The following LYAR variants were observed in gnomAD, a reference collection of about 807,000 sequenced individuals.
LYAR encodes the protein Ly1 antibody reactive, also known as cell growth-regulating nucleolar protein.
A neutral mutation model predicts 45.2 loss-of-function variants in LYAR; 37 were observed. The observed-to-expected ratio is 0.82, with a 90% CI of 0.63 to 1.08. The LOEUF (loss-of-function observed/expected upper bound fraction) is 1.08, where lower values mean the gene tolerates loss of function less well. Among genes scored for constraint, LYAR ranks in the 50% least tolerant of loss-of-function variants. LYAR has a pLI of 0.00. For synonymous variants in LYAR, 176 were observed against 155.1 expected (o/e 1.14, Z -1.00); for missense variants, 493 against 451.0 (o/e 1.09, Z -0.84).
At position 4,279,537 on chromosome 4, in the gene LYAR, G is replaced by A. The variant is rs1560095377; in HGVS notation, c.346-7C>T. 2.5e-6 allele frequency: 4 copies of A among 1,600,350 alleles called. No homozygotes were observed. The highest frequency in any genetic ancestry group is 3.4e-6 in the Non-Finnish European group (4 of 1,168,046). ...AACTGTTCTTCATCCAATTCTGTAA[G>A]AAAGAAAAAGAAAAAGAACTATTGA... On this transcript the variant is annotated splice_region_variant and splice_polypyrimidine_tract_variant and intron_variant, in intron 5 of 9. Transcript: ENST00000343470.
chr4:4,278,660 A>AT (rs1480569148), intron 6 of LYAR, among the ~76,000 whole-genome samples: 1 of 152,150 alleles, frequency 6.6e-6, no homozygotes, highest in Non-Finnish European at 1.5e-5. Flanking sequence ...GATACTTTAG[A>AT]TTTTTTTGTT....
At position 4,281,796 on chromosome 4, in the gene LYAR, T is replaced by G; in HGVS notation, c.224A>C (p.Gln75Pro). 2 of 1,613,880 alleles carry G rather than the reference T, an allele frequency of 1.2e-6. No individual in the cohort carries two copies. Among genetic ancestry groups the G allele is most frequent in the Non-Finnish European group, 1.7e-6 (2 of 1,179,724 alleles). ...GAGAGACGTTACCTGAATCCACGCC[T>G]GCTGTTTGATGTCGCCTTTGTGGGT... ...GKTHKGDIKQ[Q>P]AWIQKISELI... Residue 75 changes from glutamine to proline, a missense_variant, in exon 4 of 10, where the codon CAG (glutamine) becomes CCG (proline). Gln to Pro is a moderately conservative substitution (Grantham distance 76, BLOSUM62 -1). Coordinates refer to ENST00000343470, the MANE Select transcript of LYAR (RefSeq NM_017816.3).
intron 7 of LYAR, among the ~76,000 whole-genome samples, 190 bp from the exon 8 acceptor site, chr4:4,273,859 A>C (rs1195173667): frequency 6.6e-6 from 1 of 152,196 alleles, no homozygotes; most frequent in African/African-American, 2.4e-5. Context: ...GGATGAAAGG[A>C]GTTGAGAAGT....
chr4:4,272,277 C>T (rs192139484), intron 8 of LYAR, among the ~76,000 whole-genome samples: 84 of 152,292 alleles, frequency 5.5e-4, no homozygotes, highest in African/African-American at 2.0e-3. Flanking sequence ...TTATTTCTTA[C>T]AACTGCATGT....
chr4:4,273,923 C>T (rs751627156), intron 7 of LYAR, among the ~76,000 whole-genome samples: 13 of 152,142 alleles, frequency 8.5e-5, no homozygotes, highest in African/African-American at 1.2e-4. Flanking sequence ...AGCTTATGCT[C>T]GTTCCCTTAC....
intron 1 of LYAR, among the ~76,000 whole-genome samples, chr4:4,289,149 C>A (rs747764709): frequency 3.3e-5 from 5 of 152,224 alleles, no homozygotes; most frequent in Admixed American, 6.5e-5. Context: ...GAGAGAATCT[C>A]TCCCTTGTTC....
chr4:4,269,638 G>T (rs1030788320), intron 8 of LYAR, among the ~76,000 whole-genome samples: 1 of 152,168 alleles, frequency 6.6e-6, no homozygotes, highest in African/African-American at 2.4e-5. Context: ...CCACCTGACA[G>T]CAACAAGGCC....
chr4:4,280,812 G>A (rs1719364985), intron 4 of LYAR, among the ~76,000 whole-genome samples: 1 of 152,190 alleles, frequency 6.6e-6, no homozygotes, highest in Non-Finnish European at 1.5e-5. Flanking sequence ...GTTAATGTCT[G>A]AAAAATTCAC....
intron 4 of LYAR, among the ~76,000 whole-genome samples, chr4:4,280,358 T>G (rs1719346069): frequency 6.6e-6 from 1 of 152,198 alleles, no homozygotes; most frequent in South Asian, 2.1e-4. Flanking sequence ...ATCTACAGAT[T>G]CAATACAATT....
chr4:4,270,683 A>T lies in LYAR; in HGVS notation c.920-2068T>A, dbSNP rs560111112. 2.3e-4 allele frequency among the ~76,000 whole-genome samples: 35 copies of T among 152,352 alleles called. No homozygotes were observed. The South Asian group carries it at 2.9e-3, about 13-fold the overall frequency. ...AAATATGCACAGAAGAAGGTGCTCAACAACATTAGTCATTAGGGCCACACA... is the reference window on the plus strand; with the variant it reads ...AAATATGCACAGAAGAAGGTGCTCATCAACATTAGTCATTAGGGCCACACA... On this transcript the variant is annotated intron_variant, in intron 8 of 9. Coordinates refer to ENST00000343470, the MANE Select transcript of LYAR (RefSeq NM_017816.3).
At position 4,281,076 on chromosome 4, in the gene LYAR, T is replaced by C. The variant is rs150577464; in HGVS notation, c.237+707A>G. Among the ~76,000 whole-genome samples, 1,048 of 152,332 alleles carry C rather than the reference T, an allele frequency of 6.9e-3. 10 individuals are homozygous for C. The highest frequency in any genetic ancestry group is 0.024 in the African/African-American group (997 of 41,568). ...TTAGTTAAGTAGAAAATTCTCTGCA[T>C]TGACGAAAGTATCTTTATTTTGCCT... On this transcript the variant is annotated intron_variant, in intron 4 of 9. Transcript: ENST00000343470.
At chr4:4,283,906 G>C in intron 2 of LYAR, 111 bp from the exon 3 acceptor site, 1 of 550,794 alleles carries the variant, frequency 1.8e-6, no homozygotes, top group Admixed American at 3.3e-5. Flanking sequence ...CAGAGTCAAA[G>C]TTGATTAGCA....
At chr4:4,271,142 C>T (rs1718915446) in intron 8 of LYAR, among the ~76,000 whole-genome samples, 1 of 151,914 alleles carries the variant, frequency 6.6e-6, no homozygotes, top group South Asian at 2.1e-4. Context: ...ATTAACCATC[C>T]CCACCTCTCC....
At chr4:4,283,580 C>A in intron 3 of LYAR, 41 bp downstream of exon 3, 2 of 1,577,442 alleles carry the variant, frequency 1.3e-6, no homozygotes, top group Non-Finnish European at 1.7e-6. Context: ...CAAAACTGAT[C>A]TGGATTTACT....
chr4:4,284,596 C>T (rs1719533266), intron 2 of LYAR, among the ~76,000 whole-genome samples: 1 of 152,054 alleles, frequency 6.6e-6, no homozygotes, highest in African/African-American at 2.4e-5. Context: ...AGCACTGCCC[C>T]AAAAAGAAGT....
chr4:4,278,861 T>C (rs1260955701), intron 6 of LYAR, among the ~76,000 whole-genome samples: 2 of 152,220 alleles, frequency 1.3e-5, no homozygotes, highest in East Asian at 3.8e-4. Flanking sequence ...CTGTTCTTTC[T>C]TTCCCATGTA....
In LYAR at chr4:4,277,084, T is replaced by C. The variant is rs113779071; in HGVS notation, c.430-2315A>G. Reference sequence around the variant, plus strand: ...TTTTTTGAGACTGAGTCTCGCTCTATCACCCAGGCTGGAGTGCAGTGGCAC... The same window carrying C: ...TTTTTTGAGACTGAGTCTCGCTCTACCACCCAGGCTGGAGTGCAGTGGCAC... On this transcript the variant is annotated intron_variant, in intron 6 of 9. Coordinates refer to ENST00000343470, the MANE Select transcript of LYAR (RefSeq NM_017816.3). 8.6e-3 allele frequency among the ~76,000 whole-genome samples: 1,310 copies of C among 152,250 alleles called. 15 individuals are homozygous for C. Among genetic ancestry groups the C allele is most frequent in the African/African-American group, 0.03 (1,227 of 41,552 alleles).
intron 3 of LYAR, among the ~76,000 whole-genome samples, chr4:4,282,688 C>T (rs1455656428): frequency 2.0e-5 from 3 of 152,164 alleles, no homozygotes; most frequent in Non-Finnish European, 4.4e-5. Context: ...AGAGGGGAGC[C>T]CTCTGCAAAC....
At chr4:4,275,278 G>T (rs1719132722) in intron 6 of LYAR, among the ~76,000 whole-genome samples, 1 of 152,196 alleles carries the variant, frequency 6.6e-6, no homozygotes, top group African/African-American at 2.4e-5. Context: ...AACGAGGAAA[G>T]ATCCGTCATG....
Sources: gnomAD v4.1 joint callset for allele counts (sites outside exome capture counted in the v4.1 genomes callset) on GRCh38, gnomAD v4.1.1 for gene constraint, MANE v1.5 for transcripts, NCBI Gene and HGNC (gene_info 2026-07-23, HGNC 2026-07-21) for gene names.